The following CAMK2N2 variants were observed in gnomAD, a reference collection of about 807,000 sequenced individuals.
CAMK2N2 encodes the protein calcium/calmodulin-dependent protein kinase II inhibitor 2.
CAMK2N2 carries 3 observed loss-of-function variants against 7.8 expected under a neutral mutation model. The ratio of observed to expected loss-of-function variants is 0.38; its 90% CI spans 0.18 to 0.99. The LOEUF is 0.99. CAMK2N2 is among the 50% of genes least tolerant of loss of function. The probability of loss-of-function intolerance (pLI) is 0.37; values close to 1 mark genes in which losing one functional copy is unlikely to be tolerated. For synonymous variants in CAMK2N2, 45 were observed against 46.6 expected, an observed-to-expected ratio of 0.97 and a Z score of 0.14; for missense variants, 85 against 108.4, an observed-to-expected ratio of 0.78 and a Z score of 0.96.
Position 184,261,379 on chromosome 3 carries a change from G to T in CAMK2N2, c.-94C>A. The T allele has an allele frequency of 9.1e-7, 1 of 1,095,080 alleles. No individual in the cohort carries two copies. The highest frequency in any genetic ancestry group is 1.2e-6 in the Non-Finnish European group (1 of 840,008). The allele number at this position is 1,095,080 out of a possible 1,614,324, so 67.8% of individuals were successfully genotyped here. A position where few individuals can be genotyped will look rare whatever the true frequency, so the allele number is the denominator to read the frequency against. ...GGACCGGCCCTACCTCAGCAGGGGA[G>T]CCGGCGGAAGGATGAAGTCATGCAG... On this transcript the variant is annotated 5_prime_UTR_variant, in exon 1 of 2. Transcript: ENST00000296238. This position sits in a 1 kb window ranked among gnomAD's most constrained non-coding sequence, Gnocchi z 5.1.
At position 184,261,394 on chromosome 3, in the gene CAMK2N2, A is replaced by C; in HGVS notation, c.-109T>G. 1.0e-6 allele frequency: 1 copy of C among 969,550 alleles called. No homozygotes were observed. The highest frequency in any genetic ancestry group is 2.6e-5 in the South Asian group (1 of 38,728). 60.1% of individuals were successfully genotyped at this position (969,550 alleles called of 1,614,324 possible). On this transcript the variant is annotated 5_prime_UTR_variant, in exon 1 of 2. Transcript: ENST00000296238. This position sits in a 1 kb window ranked among gnomAD's most constrained non-coding sequence, Gnocchi z 5.1. ...CAGCAGGGGAGCCGGCGGAAGGATG[A>C]AGTCATGCAGCATCCGGGGCTGAGG...
Position 184,261,106 on chromosome 3 carries a change from G to A in CAMK2N2, c.169+11C>T, listed in dbSNP as rs372012908. The A allele has an allele frequency of 1.1e-5, 18 of 1,592,482 alleles. No homozygotes were observed. In the East Asian group the frequency reaches 2.8e-4, roughly 25 times the overall value. Reference sequence around the variant, plus strand: ...TGGGTCAGGCGGCGACTCCGGGCCCGGGCCGCGTACCTCGCTTGGCTCGGC... The same window carrying A: ...TGGGTCAGGCGGCGACTCCGGGCCCAGGCCGCGTACCTCGCTTGGCTCGGC... On this transcript the variant is annotated intron_variant, in intron 1 of 1. Coordinates refer to ENST00000296238, the MANE Select transcript of CAMK2N2 (RefSeq NM_033259.3). The surrounding 1 kb of genome is among the most constrained non-coding windows in gnomAD (Gnocchi z 5.1).
At position 184,261,330 on chromosome 3, in the gene CAMK2N2, G is replaced by C; in HGVS notation, c.-45C>G. ...CGGGGCGGGAGCGGGACTGCGGCGG[G>C]GCGCGGGCGGCGGGCTTGCTGCCGG... On this transcript the variant is annotated 5_prime_UTR_variant, in exon 1 of 2. Transcript: ENST00000296238. The surrounding 1 kb of genome is among the most constrained non-coding windows in gnomAD (Gnocchi z 5.1). The C allele has an allele frequency of 7.3e-7, 1 of 1,364,552 alleles. No homozygotes were observed. The highest frequency in any genetic ancestry group is 3.1e-5 in the East Asian group (1 of 32,572). The allele number at this position is 1,364,552 out of a possible 1,614,324, so 84.5% of individuals were successfully genotyped here.
In CAMK2N2 at chr3:184,261,418, G is replaced by A. The variant is rs572571335; in HGVS notation, c.-133C>T. The A allele has an allele frequency of 3.6e-5, 25 of 692,354 alleles. No homozygotes were observed. The African/African-American group carries it at 4.5e-4, about 13-fold the overall frequency. 42.9% of individuals were successfully genotyped at this position (692,354 alleles called of 1,614,324 possible). A position where few individuals can be genotyped will look rare whatever the true frequency, so the allele number is the denominator to read the frequency against. Reference sequence around the variant, plus strand: ...GAAGTCATGCAGCATCCGGGGCTGAGGAGCCAAGCGGGGCCTCCTCCCCCG... The same window carrying A: ...GAAGTCATGCAGCATCCGGGGCTGAAGAGCCAAGCGGGGCCTCCTCCCCCG... On this transcript the variant is annotated 5_prime_UTR_variant, in exon 1 of 2. Transcript: ENST00000296238. The surrounding 1 kb of genome is among the most constrained non-coding windows in gnomAD (Gnocchi z 5.1).
chr3:184,261,174 C>G lies in CAMK2N2; in HGVS notation c.112G>C (p.Ala38Pro), dbSNP rs1406823581. The G allele has an allele frequency of 2.5e-6, 4 of 1,607,492 alleles. No homozygotes were observed. In the African/African-American group the frequency reaches 4.1e-5, roughly 16 times the overall value. The change falls in exon 1 of 2, where the codon GCG (alanine) becomes CCG (proline). Residue 38 changes from alanine to proline, a missense_variant. Ala to Pro is a conservative substitution (Grantham distance 27). Coordinates refer to ENST00000296238, the MANE Select transcript of CAMK2N2 (RefSeq NM_033259.3). This position sits in a 1 kb window ranked among gnomAD's most constrained non-coding sequence, Gnocchi z 5.1. ...CRLQDTNSFF[A>P]GNQAKRPPKL... ...GGGGGTCGCTTGGCCTGGTTGCCCG[C>G]GAAGAAGGAGTTGGTGTCCTGCAGG... is the stretch of plus-strand genomic sequence containing the variant.
chr3:184,261,004 T>G lies in CAMK2N2; in HGVS notation c.169+113A>C. ...CCTCCAGCCCGGGCTGGAGAGCGGC[T>G]GGTGCGCTGGTCTGCGGCAAGAGCT... is the stretch of plus-strand genomic sequence containing the variant. On this transcript the variant is annotated intron_variant, in intron 1 of 1. Transcript: ENST00000296238. This position sits in a 1 kb window ranked among gnomAD's most constrained non-coding sequence, Gnocchi z 5.1. 35 of 960,092 alleles carry G rather than the reference T, an allele frequency of 3.6e-5. No homozygotes were observed. Among genetic ancestry groups the G allele is most frequent in the East Asian group, 8.2e-5 (2 of 24,392 alleles). The allele number at this position is 960,092 out of a possible 1,614,324, so 59.5% of individuals were successfully genotyped here. A position where few individuals can be genotyped will look rare whatever the true frequency, so the allele number is the denominator to read the frequency against.
In CAMK2N2 at chr3:184,260,496, A is replaced by G. The variant is rs545266282; in HGVS notation, c.170-269T>C. ...CCAGTGCGAGCCCTCCTGCCACCTG[A>G]GCCTTCCTCCCTCTGAGTTGATCAG... On this transcript the variant is annotated intron_variant, in intron 1 of 1. Transcript: ENST00000296238. This position sits in a 1 kb window ranked among gnomAD's most constrained non-coding sequence, Gnocchi z 6.6. 1.3e-5 allele frequency among the ~76,000 whole-genome samples: 2 copies of G among 152,188 alleles called. No individual in the cohort carries two copies. The highest frequency in any genetic ancestry group is 6.5e-5 in the Admixed American group (1 of 15,298).
At position 184,260,614 on chromosome 3, in the gene CAMK2N2, A is replaced by G. The variant is rs1412884862; in HGVS notation, c.170-387T>C. Among the ~76,000 whole-genome samples, 2 of 152,070 alleles carry G rather than the reference A, an allele frequency of 1.3e-5. No individual in the cohort carries two copies. Among genetic ancestry groups the G allele is most frequent in the Non-Finnish European group, 2.9e-5 (2 of 67,998 alleles). On this transcript the variant is annotated intron_variant, in intron 1 of 1. Coordinates refer to ENST00000296238, the MANE Select transcript of CAMK2N2 (RefSeq NM_033259.3). The surrounding 1 kb of genome is among the most constrained non-coding windows in gnomAD (Gnocchi z 6.6). ...CTCAAACCGAGTATCCAGCTGGTCCAGCCCTCTCCTCAACCTGAGCCCTCT... is the reference window on the plus strand; with the variant it reads ...CTCAAACCGAGTATCCAGCTGGTCCGGCCCTCTCCTCAACCTGAGCCCTCT...
Position 184,260,070 on chromosome 3 carries a change from C to T in CAMK2N2, c.*87G>A. 4 of 712,710 alleles carry T rather than the reference C, an allele frequency of 5.6e-6. No homozygotes were observed. Among genetic ancestry groups the T allele is most frequent in the Non-Finnish European group, 6.8e-6 (4 of 590,320 alleles). 44.1% of individuals were successfully genotyped at this position (712,710 alleles called of 1,614,324 possible). On this transcript the variant is annotated 3_prime_UTR_variant, in exon 2 of 2. Coordinates refer to ENST00000296238, the MANE Select transcript of CAMK2N2 (RefSeq NM_033259.3). The surrounding 1 kb of genome is among the most constrained non-coding windows in gnomAD (Gnocchi z 6.6). ...CCGCCCGCGGGCGCCTGGGCCGGGG[C>T]GGGGGGGCGCCGGCAGCCGCATCGC...
At position 184,260,693 on chromosome 3, in the gene CAMK2N2, G is replaced by A. The variant is rs1371375882; in HGVS notation, c.169+424C>T. 6.6e-6 allele frequency among the ~76,000 whole-genome samples: 1 copy of A among 152,178 alleles called. No individual in the cohort carries two copies. Among genetic ancestry groups the A allele is most frequent in the African/African-American group, 2.4e-5 (1 of 41,426 alleles). ...GCACCAACAGAGCTCCCCTCCCCATGCAAACAACCAAGACAAGCGGACCCC... is the reference window on the plus strand; with the variant it reads ...GCACCAACAGAGCTCCCCTCCCCATACAAACAACCAAGACAAGCGGACCCC... On this transcript the variant is annotated intron_variant, in intron 1 of 1. Transcript: ENST00000296238. The surrounding 1 kb of genome is among the most constrained non-coding windows in gnomAD (Gnocchi z 6.6).
rs1012878414 is a variant in CAMK2N2, at chr3:184,260,342, C to T, written c.170-115G>A. The T allele has an allele frequency of 2.1e-5, 20 of 945,916 alleles. No individual in the cohort carries two copies. The South Asian group carries it at 2.6e-4, about 12-fold the overall frequency. 58.6% of individuals were successfully genotyped at this position (945,916 alleles called of 1,614,324 possible). ...CTGCCCGTGGCCCAGCGACGCCCCT[C>T]GGAACCCTGTGCCGCGGTGTCCTCC... On this transcript the variant is annotated intron_variant, in intron 1 of 1. Coordinates refer to ENST00000296238, the MANE Select transcript of CAMK2N2 (RefSeq NM_033259.3). This position sits in a 1 kb window ranked among gnomAD's most constrained non-coding sequence, Gnocchi z 6.6.
Position 184,261,147 on chromosome 3 carries a change from T to TG in CAMK2N2, c.138dup (p.Lys47GlnfsTer16), listed in dbSNP as rs1232751116. The TG allele has an allele frequency of 1.9e-6, 3 of 1,605,900 alleles. No homozygotes were observed. Among genetic ancestry groups the TG allele is most frequent in the African/African-American group, 1.4e-5 (1 of 73,574 alleles). On this transcript the variant is annotated frameshift_variant, in exon 1 of 2. Transcript: ENST00000296238. LOFTEE classifies it high-confidence loss of function. This position sits in a 1 kb window ranked among gnomAD's most constrained non-coding sequence, Gnocchi z 5.1. ...TTGGCTCGGCCGATCTGGCCCAGCT[T>TG]GGGGGGTCGCTTGGCCTGGTTGCCC...
rs1286709754 is a variant in CAMK2N2 at position 184,261,016 on chromosome 3, C to A, written c.169+101G>T. The A allele has an allele frequency of 2.5e-5, 29 of 1,163,134 alleles. No homozygotes were observed. Among genetic ancestry groups the A allele is most frequent in the East Asian group, 3.7e-5 (1 of 27,144 alleles). 72.1% of individuals were successfully genotyped at this position (1,163,134 alleles called of 1,614,324 possible). A position where few individuals can be genotyped will look rare whatever the true frequency, so the allele number is the denominator to read the frequency against. On this transcript the variant is annotated intron_variant, in intron 1 of 1. Coordinates refer to ENST00000296238, the MANE Select transcript of CAMK2N2 (RefSeq NM_033259.3). The surrounding 1 kb of genome is among the most constrained non-coding windows in gnomAD (Gnocchi z 5.1). Reference sequence around the variant, plus strand: ...GCTGGAGAGCGGCTGGTGCGCTGGTCTGCGGCAAGAGCTGCGGGCACTCGG... The same window carrying A: ...GCTGGAGAGCGGCTGGTGCGCTGGTATGCGGCAAGAGCTGCGGGCACTCGG...
In CAMK2N2 at chr3:184,260,347, C is replaced by A. The variant is rs1577121593; in HGVS notation, c.170-120G>T. ...CGTGGCCCAGCGACGCCCCTCGGAA[C>A]CCTGTGCCGCGGTGTCCTCCCCGTC... On this transcript the variant is annotated intron_variant, in intron 1 of 1. Transcript: ENST00000296238. The surrounding 1 kb of genome is among the most constrained non-coding windows in gnomAD (Gnocchi z 6.6). 1.7e-5 allele frequency: 15 copies of A among 880,018 alleles called. No individual in the cohort carries two copies. In the East Asian group the frequency reaches 4.9e-4, roughly 29 times the overall value. The allele number at this position is 880,018 out of a possible 1,614,324, so 54.5% of individuals were successfully genotyped here.
At position 184,261,073 on chromosome 3, in the gene CAMK2N2, A is replaced by G; in HGVS notation, c.169+44T>C. 1 of 1,480,418 alleles carries G rather than the reference A, an allele frequency of 6.8e-7. No homozygotes were observed. Among genetic ancestry groups the G allele is most frequent in the Non-Finnish European group, 9.0e-7 (1 of 1,113,820 alleles). 91.7% of individuals were successfully genotyped at this position (1,480,418 alleles called of 1,614,324 possible). Reference sequence around the variant, plus strand: ...ACGGCAGCCGGGGGGCGCCCGGCGGAGGGTTTCTGGGTCAGGCGGCGACTC... The same window carrying G: ...ACGGCAGCCGGGGGGCGCCCGGCGGGGGGTTTCTGGGTCAGGCGGCGACTC... On this transcript the variant is annotated intron_variant, in intron 1 of 1. Transcript: ENST00000296238. This position sits in a 1 kb window ranked among gnomAD's most constrained non-coding sequence, Gnocchi z 5.1.
Position 184,261,281 on chromosome 3 carries a change from G to A in CAMK2N2, c.5C>T (p.Ser2Phe). The A allele has an allele frequency of 6.5e-7, 1 of 1,539,962 alleles. No homozygotes were observed. The highest frequency in any genetic ancestry group is 8.7e-7 in the Non-Finnish European group (1 of 1,149,818). Reference sequence around the variant, plus strand: ...GTCTTCGCTGTAGGGCAGGATCTCGGACATGGCGGGCGCGGGGTGGGCGCG... The same window carrying A: ...GTCTTCGCTGTAGGGCAGGATCTCGAACATGGCGGGCGCGGGGTGGGCGCG... The part of the protein sequence containing the change: M[S>F]EILPYSEDKM... Residue 2 changes from serine (S) to phenylalanine (F), a missense_variant, in exon 1 of 2, where the codon TCC (serine) becomes TTC (phenylalanine). Ser to Phe is a radical substitution (Grantham distance 155, BLOSUM62 -2). Coordinates refer to ENST00000296238, the MANE Select transcript of CAMK2N2 (RefSeq NM_033259.3). This position sits in a 1 kb window ranked among gnomAD's most constrained non-coding sequence, Gnocchi z 5.1.
In CAMK2N2 at chr3:184,261,112, C is replaced by G. The variant is rs1296315234; in HGVS notation, c.169+5G>C. On this transcript the variant is annotated splice_donor_5th_base_variant and intron_variant, in intron 1 of 1. Coordinates refer to ENST00000296238, the MANE Select transcript of CAMK2N2 (RefSeq NM_033259.3). This position sits in a 1 kb window ranked among gnomAD's most constrained non-coding sequence, Gnocchi z 5.1. ...AGGCGGCGACTCCGGGCCCGGGCCG[C>G]GTACCTCGCTTGGCTCGGCCGATCT... The G allele has an allele frequency of 2.5e-6, 4 of 1,595,196 alleles. No homozygotes were observed. The East Asian group carries it at 9.4e-5, about 37-fold the overall frequency.
Position 184,261,145 on chromosome 3 carries a change from C to T in CAMK2N2, c.141G>A (p.Lys47=), listed in dbSNP as rs767446422. ...FAGNQAKRPP[K]LGQIGRAKRV... ...GCTTGGCTCGGCCGATCTGGCCCAG[C>T]TTGGGGGGTCGCTTGGCCTGGTTGC... The change falls in exon 1 of 2, where the codon AAG becomes AAA. Residue 47 remains lysine, a synonymous_variant. Transcript: ENST00000296238. This position sits in a 1 kb window ranked among gnomAD's most constrained non-coding sequence, Gnocchi z 5.1. 1.1e-5 allele frequency: 18 copies of T among 1,606,090 alleles called. No individual in the cohort carries two copies. The Admixed American group carries it at 2.5e-4, about 22-fold the overall frequency.
rs1719983938 is a variant in CAMK2N2 at position 184,260,069 on chromosome 3, GC to G, written c.*87del. 1.4e-6 allele frequency: 1 copy of G among 728,180 alleles called. No individual in the cohort carries two copies. Among genetic ancestry groups the G allele is most frequent in the African/African-American group, 1.9e-5 (1 of 51,716 alleles). The allele number at this position is 728,180 out of a possible 1,614,324, so 45.1% of individuals were successfully genotyped here. A position where few individuals can be genotyped will look rare whatever the true frequency, so the allele number is the denominator to read the frequency against. On this transcript the variant is annotated 3_prime_UTR_variant, in exon 2 of 2. Transcript: ENST00000296238. This position sits in a 1 kb window ranked among gnomAD's most constrained non-coding sequence, Gnocchi z 6.6. The stretch of plus-strand genomic sequence containing the variant: ...CCCGCCCGCGGGCGCCTGGGCCGGG[GC>G]GGGGGGGCGCCGGCAGCCGCATCGC...
Sources: allele counts gnomAD v4.1 joint callset (sites outside exome capture counted in the v4.1 genomes callset), GRCh38; gene constraint gnomAD v4.1.1; non-coding constraint Gnocchi (gnomAD v3.1); transcripts MANE v1.5; gene names NCBI Gene and HGNC (gene_info 2026-07-23, HGNC 2026-07-21).